Variants in CSNK1G1 observed in about 807,000 individuals in gnomAD.
CSNK1G1 encodes casein kinase I isoform gamma-1.
Under a neutral mutation model 59.6 loss-of-function variants are expected in CSNK1G1, and 22 were observed. That is an observed-to-expected ratio of 0.37 (90% CI 0.26 to 0.53). The LOEUF (loss-of-function observed/expected upper bound fraction) is 0.53. Ranked by LOEUF, CSNK1G1 falls within the 20% of genes least tolerant of loss-of-function variation. The probability of loss-of-function intolerance (pLI) is 0.89; values close to 1 mark genes in which losing one functional copy is unlikely to be tolerated. For missense variants in CSNK1G1, 384 were observed against 519.5 expected, an observed-to-expected ratio of 0.74 and a Z score of 2.54; for synonymous variants, 179 against 177.1, an observed-to-expected ratio of 1.01 and a Z score of -0.08.
At chr15:64,302,374 T>G (rs1265998774) in intron 1 of CSNK1G1, among the ~76,000 whole-genome samples, 2 of 152,182 alleles carry the variant, frequency 1.3e-5, no homozygotes, top group Non-Finnish European at 2.9e-5. Flanking sequence ...GTGCTGGGAT[T>G]ACAGGCGTGA....
intron 2 of CSNK1G1, among the ~76,000 whole-genome samples, chr15:64,263,133 A>G (rs1892787327): frequency 6.6e-6 from 1 of 150,560 alleles, no homozygotes. Context: ...GCACTTACAT[A>G]TTTGTTTCTT....
At chr15:64,302,820 A>G (rs1022248532) in intron 1 of CSNK1G1, among the ~76,000 whole-genome samples, 2 of 152,184 alleles carry the variant, frequency 1.3e-5, no homozygotes, top group African/African-American at 4.8e-5. Flanking sequence ...ATTTTCAAAA[A>G]TTATCACTAC....
intron 1 of CSNK1G1, among the ~76,000 whole-genome samples, chr15:64,315,505 C>T (rs1338754144): frequency 6.6e-6 from 1 of 152,192 alleles, no homozygotes; most frequent in Non-Finnish European, 1.5e-5. Context: ...TGCTGTGTGA[C>T]CTATTCAGTG....
At chr15:64,296,472 C>T (rs1283205051) in intron 2 of CSNK1G1, among the ~76,000 whole-genome samples, 2 of 152,152 alleles carry the variant, frequency 1.3e-5, no homozygotes, top group Non-Finnish European at 2.9e-5. Flanking sequence ...TCTCTGTCTA[C>T]CACTAGACTG....
chr15:64,314,459 A>G (rs766689537), intron 1 of CSNK1G1, among the ~76,000 whole-genome samples: 1 of 151,870 alleles, frequency 6.6e-6, no homozygotes, highest in African/African-American at 2.4e-5. Flanking sequence ...TAACATATCC[A>G]TTACCTTAAA....
intron 4 of CSNK1G1, among the ~76,000 whole-genome samples, chr15:64,249,995 G>C (rs1891986048): frequency 6.6e-6 from 1 of 152,162 alleles, no homozygotes; most frequent in African/African-American, 2.4e-5. Flanking sequence ...GTTGTTACCT[G>C]ACCCTTGGAT....
At chr15:64,297,790 G>T (rs912287450) in intron 2 of CSNK1G1, among the ~76,000 whole-genome samples, 1 of 152,026 alleles carries the variant, frequency 6.6e-6, no homozygotes, top group African/African-American at 2.4e-5. Context: ...GCAGAGCTTT[G>T]TAGGTGGTAG....
chr15:64,231,820 T>C (rs1034982527), intron 4 of CSNK1G1, among the ~76,000 whole-genome samples: 1 of 152,224 alleles, frequency 6.6e-6, no homozygotes, highest in Admixed American at 6.5e-5. Flanking sequence ...TTTTAGCTTG[T>C]GTTACAGTTA....
chr15:64,255,266 G>A (rs62021605), intron 3 of CSNK1G1, among the ~76,000 whole-genome samples: 8,451 of 152,072 alleles, frequency 0.056, 722 homozygotes, highest in African/African-American at 0.18. Flanking sequence ...TAGTAGAGAC[G>A]AGGTTTTACC....
At chr15:64,352,953 G>A (rs1898398163) in intron 1 of CSNK1G1, among the ~76,000 whole-genome samples, 1 of 151,994 alleles carries the variant, frequency 6.6e-6, no homozygotes. Context: ...GCTGGACATG[G>A]TGGCACACGC....
chr15:64,254,510 C>T (rs946174919), intron 3 of CSNK1G1, among the ~76,000 whole-genome samples: 5 of 152,040 alleles, frequency 3.3e-5, no homozygotes, highest in Non-Finnish European at 7.4e-5. Context: ...CACCACCACA[C>T]CTGGCTAATT....
chr15:64,317,778 G>A (rs1428391199), intron 1 of CSNK1G1, among the ~76,000 whole-genome samples: 2 of 152,274 alleles, frequency 1.3e-5, no homozygotes, highest in Non-Finnish European at 2.9e-5. Flanking sequence ...GATTATAGGC[G>A]TGAGCCACCA....
rs532538301 is a variant in CSNK1G1 at position 64,176,644 on chromosome 15, C to T, written c.1214+3704G>A. ...CCCTGCCTGTAAGAACTCAATCAAG[C>T]ACCAGGGGTGAACCATTTTGGTTCC... On this transcript the variant is annotated intron_variant, in intron 11 of 11. Transcript: ENST00000303052. This position sits in a 1 kb window ranked among gnomAD's most constrained non-coding sequence, Gnocchi z 5.2. 1.3e-5 allele frequency among the ~76,000 whole-genome samples: 2 copies of T among 152,296 alleles called. No homozygotes were observed. Among genetic ancestry groups the T allele is most frequent in the East Asian group, 3.9e-4 (2 of 5,182 alleles).
intron 10 of CSNK1G1, among the ~76,000 whole-genome samples, chr15:64,201,745 TGTGTG>T (rs1567370280): frequency 0.017 from 2,302 of 136,860 alleles, 23 homozygotes; most frequent in African/African-American, 0.021. Flanking sequence ...TGTGTGTGTG[TGTGTG>T]TTTATATACT....
intron 6 of CSNK1G1, among the ~76,000 whole-genome samples, chr15:64,208,150 A>C (rs569924057): frequency 2.9e-4 from 44 of 152,316 alleles, no homozygotes; most frequent in Middle Eastern, 3.4e-3. Flanking sequence ...GCTCCCATTC[A>C]ATTTGTACCA....
At chr15:64,339,499 G>A (rs1464948525) in intron 1 of CSNK1G1, among the ~76,000 whole-genome samples, 1 of 152,090 alleles carries the variant, frequency 6.6e-6, no homozygotes, top group Non-Finnish European at 1.5e-5. Context: ...TTTTAGTAGA[G>A]ACAGGGATTC....
chr15:64,344,246 G>A (rs1897826677), intron 1 of CSNK1G1, among the ~76,000 whole-genome samples: 1 of 152,126 alleles, frequency 6.6e-6, no homozygotes, highest in South Asian at 2.1e-4. Context: ...TCTATGATTT[G>A]TTTTCTCAAC....
chr15:64,296,530 C>G (rs1457323774), intron 2 of CSNK1G1, among the ~76,000 whole-genome samples: 1 of 152,124 alleles, frequency 6.6e-6, no homozygotes, highest in African/African-American at 2.4e-5. Context: ...CTATCCTTCC[C>G]AGAGTCTAGT....
intron 3 of CSNK1G1, 42 bp from the exon 4 acceptor site, chr15:64,251,623 T>C (rs756954958): frequency 2.1e-6 from 3 of 1,442,570 alleles, no homozygotes; most frequent in Non-Finnish European, 2.9e-6. Context: ...TTTAAACAAA[T>C]GGGATTTTTC....
Sources: allele counts gnomAD v4.1 joint callset (sites outside exome capture counted in the v4.1 genomes callset), GRCh38; gene constraint gnomAD v4.1.1; non-coding constraint Gnocchi (gnomAD v3.1); transcripts MANE v1.5; gene names NCBI Gene and HGNC (gene_info 2026-07-23, HGNC 2026-07-21).